The following PDLIM2 variants were observed in gnomAD, a reference collection of about 807,000 sequenced individuals.
PDLIM2 encodes PDZ and LIM domain protein 2.
PDLIM2 carries 51 observed loss-of-function variants against 54.1 expected under a neutral mutation model. The ratio of observed to expected loss-of-function variants is 0.94; its 90% CI spans 0.75 to 1.19. The LOEUF (loss-of-function observed/expected upper bound fraction) is 1.19, where lower values mean the gene tolerates loss of function less well. PDLIM2 is among the 50% of genes most tolerant of loss of function. The pLI, the probability that PDLIM2 is intolerant of heterozygous loss-of-function variation, is 0.00. For missense variants in PDLIM2, 912 were observed against 874.0 expected, an observed-to-expected ratio of 1.04 and a Z score of -0.55; for synonymous variants, 398 against 385.6, an observed-to-expected ratio of 1.03 and a Z score of -0.38.
rs1800552143 is a variant in PDLIM2 at position 22,591,675 on chromosome 8, G to A, written c.1631+7G>A. 3.1e-6 allele frequency: 5 copies of A among 1,601,870 alleles called. No homozygotes were observed. The highest frequency in any genetic ancestry group is 3.4e-6 in the Non-Finnish European group (4 of 1,173,112). ...AGTGCAGTACCAGCATCGCGTGAGT[G>A]TGGAGGGGGGTGGGGGACCTGAGCC... is the stretch of plus-strand genomic sequence containing the variant. On this transcript the variant is annotated splice_region_variant and intron_variant, in intron 9 of 9. Transcript: ENST00000308354.
At chr8:22,591,416 A>G in intron 8 of PDLIM2, 135 bp from the exon 8 acceptor site, 2 of 760,410 alleles carry the variant, frequency 2.6e-6, no homozygotes, top group Non-Finnish European at 4.6e-6. Context: ...CTTCCTCCTT[A>G]CCTGGTGCCA....
At chr8:22,582,614 G>A (rs1275809735) in intron 3 of PDLIM2, among the ~76,000 whole-genome samples, 1 of 137,776 alleles carries the variant, frequency 7.3e-6, no homozygotes, top group South Asian at 2.3e-4. Flanking sequence ...ACAGAGTCTC[G>A]CTCTGTTGCC....
At chr8:22,578,771 G>T (rs964285289) in exon 1 of PDLIM2, 31 of 1,233,910 alleles carry the variant, frequency 2.5e-5, no homozygotes, top group Non-Finnish European at 3.1e-5. Flanking sequence ...CCCTGCCCAG[G>T]ACCTGGGGAT....
chr8:22,586,409 A>G (rs114348124), intron 6 of PDLIM2, among the ~76,000 whole-genome samples: 185 of 152,330 alleles, frequency 1.2e-3, no homozygotes, highest in African/African-American at 3.2e-3. Flanking sequence ...ATTAGGCACT[A>G]AGCAGTGTGG....
At chr8:22,596,007 C>G (rs1439665087), downstream of PDLIM2, 1 of 152,378 alleles carries the variant, frequency 6.6e-6, no homozygotes, top group African/African-American at 2.4e-5. Context: ...GTTGCCCAGG[C>G]TGGTCTCGAA....
intron 3 of PDLIM2, among the ~76,000 whole-genome samples, chr8:22,583,536 C>T (rs182209165): frequency 0.012 from 1,862 of 152,226 alleles, 46 homozygotes; most frequent in African/African-American, 0.042. Context: ...GAGGCCGAGT[C>T]GGGCGGATCA....
At chr8:22,581,297 C>T in intron 2 of PDLIM2, 82 bp from the exon 2 acceptor site, 1 of 1,514,308 alleles carries the variant, frequency 6.6e-7, no homozygotes, top group Non-Finnish European at 8.8e-7. Flanking sequence ...AAGCCAGCCT[C>T]TGTGTTTCTT....
intron 8 of PDLIM2, 92 bp from the exon 8 acceptor site, chr8:22,591,459 G>A: frequency 1.8e-6 from 2 of 1,119,630 alleles, no homozygotes; most frequent in South Asian, 2.5e-5. Flanking sequence ...TCTCTTATAA[G>A]GGTGCTTTCC....
At chr8:22,579,705 G>A in intron 1 of PDLIM2, 1 of 726,008 alleles carries the variant, frequency 1.4e-6, no homozygotes, top group Non-Finnish European at 2.0e-6. Flanking sequence ...CCCAGGATGG[G>A]TGCTGGGCAG....
At chr8:22,585,479 C>T (rs1021841786) in intron 6 of PDLIM2, 80 bp downstream of exon 5, 96 of 1,371,032 alleles carry the variant, frequency 7.0e-5, no homozygotes, top group Admixed American at 4.1e-4. Context: ...CCCGGGACTG[C>T]AGGCGGCCAG....
chr8:22,580,185 A>G, intron 1 of PDLIM2: 1 of 304,214 alleles, frequency 3.3e-6, no homozygotes, highest in Non-Finnish European at 6.4e-6. Flanking sequence ...GAGAGGAAGT[A>G]CCGTGTGCTG....
At chr8:22,594,071 T>G in exon 10 of PDLIM2, 2 of 1,439,398 alleles carry the variant, frequency 1.4e-6, no homozygotes, top group Non-Finnish European at 1.8e-6. Context: ...GGGACCTGTC[T>G]TGGACTGTGG....
intron 3 of PDLIM2, among the ~76,000 whole-genome samples, chr8:22,584,064 C>T (rs1327547256): frequency 6.6e-6 from 1 of 151,574 alleles, no homozygotes; most frequent in Non-Finnish European, 1.5e-5. Context: ...TGCAGTGGTA[C>T]AATTTTGGCT....
chr8:22,579,571 G>T, intron 1 of PDLIM2: 1 of 1,430,938 alleles, frequency 7.0e-7, no homozygotes, highest in Non-Finnish European at 9.1e-7. Context: ...TCGGGGACTG[G>T]GGTGGGGGCG....
At chr8:22,585,377 C>T in exon 6 of PDLIM2, 4 of 1,611,868 alleles carry the variant, frequency 2.5e-6, no homozygotes, top group Non-Finnish European at 3.4e-6. Flanking sequence ...CTGTCCTACT[C>T]AGGCCGCCCT....
Position 22,589,584 on chromosome 8 carries a change from C to T in PDLIM2, c.1368-12C>T, listed in dbSNP as rs1238343874. 8.8e-6 allele frequency: 14 copies of T among 1,599,960 alleles called. No homozygotes were observed. The highest frequency in any genetic ancestry group is 1.0e-5 in the Non-Finnish European group (12 of 1,173,882). On this transcript the variant is annotated splice_polypyrimidine_tract_variant and intron_variant, in intron 7 of 9. Coordinates refer to ENST00000308354, the Ensembl canonical transcript of PDLIM2. ...ACGGGACCCTCATTCCTGGCTGCCT[C>T]CCACCCTGCAGCATGGACTCGGAAG...
intron 9 of PDLIM2, chr8:22,593,126 G>A (rs1800599742): frequency 6.6e-6 from 1 of 152,414 alleles, no homozygotes; most frequent in African/African-American, 2.4e-5. Context: ...TGTCCACCTG[G>A]GATCCTAGGC....
chr8:22,581,227 T>C, intron 2 of PDLIM2, 152 bp from the exon 2 acceptor site: 1 of 981,758 alleles, frequency 1.0e-6, no homozygotes, highest in Admixed American at 2.3e-5. Context: ...GGATGGCTGA[T>C]CAGCTGGGTG....
rs1800128123 is a variant in PDLIM2, at chr8:22,579,476, TG to T, written c.700del (p.Ala234HisfsTer20). 2.0e-6 allele frequency: 3 copies of T among 1,513,676 alleles called. No homozygotes were observed. The South Asian group carries it at 3.6e-5, about 18-fold the overall frequency. 93.8% of individuals were successfully genotyped at this position (1,513,676 alleles called of 1,614,324 possible). On this transcript the variant is annotated frameshift_variant, in exon 1 of 10. Transcript: ENST00000308354. LOFTEE classifies it high-confidence loss of function. ...AACTGGTAGAGCCGGGCCATCGGGC[TG>T]GGCACCTCCCCGCGGCGCCCGCAGC...
Sources: gnomAD v4.1 joint callset for allele counts (sites outside exome capture counted in the v4.1 genomes callset) on GRCh38, gnomAD v4.1.1 for gene constraint, MANE v1.5 for transcripts, NCBI Gene and HGNC (gene_info 2026-07-23, HGNC 2026-07-21) for gene names.